CUL5: variants seen among roughly 807,000 people sequenced by gnomAD.
The protein encoded by CUL5 is cullin 5, also known as cullin-5.
In CUL5, 26 loss-of-function variants were observed where a neutral mutation model predicts 108.8. The observed-to-expected ratio is 0.24, with a 90% CI of 0.18 to 0.33. The LOEUF (loss-of-function observed/expected upper bound fraction) is 0.33. Among genes scored for constraint, CUL5 ranks in the 10% least tolerant of loss-of-function variants. The pLI is 1.00. For synonymous variants in CUL5, 334 were observed against 298.0 expected (o/e 1.12, Z -1.25); for missense variants, 524 against 909.2 (o/e 0.58, Z 5.45).
Position 108,050,082 on chromosome 11 carries a change from T to C in CUL5, c.411+16T>C, listed in dbSNP as rs778909935. ...TGTTCGAAAGGTAAGACTATTTTTC[T>C]CCTTGTTTTCCTAATATTCTTCAGA... On this transcript the variant is annotated intron_variant, in intron 4 of 18. Transcript: ENST00000393094. 1.3e-6 allele frequency: 2 copies of C among 1,558,114 alleles called. No individual in the cohort carries two copies. Among genetic ancestry groups the C allele is most frequent in the Admixed American group, 4.0e-5 (2 of 50,330 alleles).
chr11:108,049,957 T>A lies in CUL5; in HGVS notation c.302T>A (p.Phe101Tyr). The change falls in exon 4 of 19, where the codon TTT (phenylalanine) becomes TAT (tyrosine). Residue 101 changes from phenylalanine to tyrosine, a missense_variant. Transcript: ENST00000393094. ...TATATTGTTGAATGGCGAAAGTTCT[T>A]TACACAATGTGATATTTTACCAAAA... ...KAYIVEWRKFFTQCDILPKPF... is the reference protein window; with the variant it reads ...KAYIVEWRKFYTQCDILPKPF... 1 of 1,613,856 alleles carries A rather than the reference T, an allele frequency of 6.2e-7. No homozygotes were observed. The highest frequency in any genetic ancestry group is 8.5e-7 in the Non-Finnish European group (1 of 1,179,818).
intron 1 of CUL5, among the ~76,000 whole-genome samples, chr11:108,023,695 T>C (rs1862384039): frequency 6.6e-6 from 1 of 152,208 alleles, no homozygotes; most frequent in African/African-American, 2.4e-5. Context: ...AATGAATAAA[T>C]GTAATAAATG....
At chr11:108,059,129 C>T (rs1375106268) in intron 7 of CUL5, among the ~76,000 whole-genome samples, 1 of 152,222 alleles carries the variant, frequency 6.6e-6, no homozygotes, top group Non-Finnish European at 1.5e-5. Flanking sequence ...CTTCCCACCT[C>T]AGCCTCCTGA....
chr11:108,097,570 G>A, intron 16 of CUL5, 66 bp from the exon 17 acceptor site: 2 of 857,036 alleles, frequency 2.3e-6, no homozygotes, highest in Non-Finnish European at 1.9e-6. Context: ...TGATTATGTG[G>A]GAGAATTGAT....
intron 10 of CUL5, among the ~76,000 whole-genome samples, chr11:108,074,986 A>AG (rs1317205500): frequency 6.6e-6 from 1 of 152,128 alleles, no homozygotes; most frequent in East Asian, 1.9e-4. Flanking sequence ...TACTGTGAGT[A>AG]GGATGGGAAG....
intron 12 of CUL5, among the ~76,000 whole-genome samples, chr11:108,089,236 T>TA (rs572515336): frequency 1.3e-3 from 197 of 152,068 alleles, no homozygotes; most frequent in African/African-American, 4.6e-3. Flanking sequence ...GTAAAGTATA[T>TA]CGTTGCATTT....
intron 7 of CUL5, among the ~76,000 whole-genome samples, chr11:108,065,851 C>T (rs1863663880): frequency 6.6e-6 from 1 of 152,028 alleles, no homozygotes. Context: ...GAGGAATGAT[C>T]GGTGGAAGCT....
intron 1 of CUL5, among the ~76,000 whole-genome samples, chr11:108,028,793 C>T (rs1277656363): frequency 6.6e-6 from 1 of 152,054 alleles, no homozygotes; most frequent in African/African-American, 2.4e-5. Context: ...CATTGTACTC[C>T]AGCCTGGGCA....
intron 7 of CUL5, among the ~76,000 whole-genome samples, chr11:108,060,915 A>G (rs1240121628): frequency 2.6e-5 from 4 of 152,110 alleles, no homozygotes; most frequent in Admixed American, 6.6e-5. Flanking sequence ...CATTCATTCA[A>G]CAGGTACTTA....
chr11:108,072,559 GT>G (rs1452307124), intron 9 of CUL5, 97 bp downstream of exon 9: 34 of 1,040,784 alleles, frequency 3.3e-5, no homozygotes, highest in Non-Finnish European at 4.0e-5. Flanking sequence ...GAGGCTGGGG[GT>G]TGGGGGAGCA....
chr11:108,075,960 G>C (rs1863931655), intron 10 of CUL5, among the ~76,000 whole-genome samples: 1 of 152,002 alleles, frequency 6.6e-6, no homozygotes, highest in Non-Finnish European at 1.5e-5. Context: ...TTTTGTTTTT[G>C]TGGCAAGAGC....
intron 7 of CUL5, among the ~76,000 whole-genome samples, chr11:108,063,661 A>ATAAAT (rs1555018731): frequency 0.12 from 17,697 of 149,646 alleles, 1,206 homozygotes; most frequent in Non-Finnish European, 0.15. Flanking sequence ...AAATTTAAAA[A>ATAAAT]AAATAAATAA....
At chr11:108,073,545 C>T (rs1863876589) in intron 10 of CUL5, 48 bp downstream of exon 10, 2 of 810,028 alleles carry the variant, frequency 2.5e-6, no homozygotes, top group Non-Finnish European at 3.8e-6. Context: ...GTTTTATTCT[C>T]ATAATTTACT....
In CUL5 at chr11:108,042,712, T is replaced by G. The variant is rs115055232; in HGVS notation, c.135-3558T>G. On this transcript the variant is annotated intron_variant, in intron 2 of 18. Coordinates refer to ENST00000393094, the MANE Select transcript of CUL5 (RefSeq NM_003478.6). ...TTGAGTTCCTAAACCATCTTTTGTT[T>G]ATATGCATAAAATAGTTGTAAACAT... is the stretch of plus-strand genomic sequence containing the variant. Among the ~76,000 whole-genome samples the G allele has an allele frequency of 3.1e-3, 474 of 152,256 alleles. 3 individuals are homozygous for G. The highest frequency in any genetic ancestry group is 0.011 in the African/African-American group (461 of 41,558).
intron 11 of CUL5, among the ~76,000 whole-genome samples, chr11:108,087,514 G>A (rs2135221527): frequency 6.6e-6 from 1 of 152,186 alleles, no homozygotes; most frequent in East Asian, 1.9e-4. Flanking sequence ...TATACTGCTG[G>A]GTGCAGTGGC....
At chr11:108,042,802 G>T (rs557036021) in intron 2 of CUL5, among the ~76,000 whole-genome samples, 20 of 151,612 alleles carry the variant, frequency 1.3e-4, no homozygotes, top group African/African-American at 3.9e-4. Context: ...TTGCCCTGTT[G>T]CCCAGGCTGG....
Position 108,009,251 on chromosome 11 carries a change from G to C in CUL5, c.-98G>C, listed in dbSNP as rs1461145576. On this transcript the variant is annotated 5_prime_UTR_variant, in exon 1 of 19. Transcript: ENST00000393094. ...CACCACACCCTGGTGCGGGCCGACG[G>C]GCCCTGGGCCCTGGTGGGAGCTCCG... is the stretch of plus-strand genomic sequence containing the variant. The C allele has an allele frequency of 7.3e-7, 1 of 1,366,790 alleles. No individual in the cohort carries two copies. Among genetic ancestry groups the C allele is most frequent in the Non-Finnish European group, 1.0e-6 (1 of 968,310 alleles). 84.7% of individuals were successfully genotyped at this position (1,366,790 alleles called of 1,614,324 possible). A position where few individuals can be genotyped will look rare whatever the true frequency, so the allele number is the denominator to read the frequency against.
intron 5 of CUL5, among the ~76,000 whole-genome samples, chr11:108,053,463 G>A (rs1164011826): frequency 1.3e-5 from 2 of 152,016 alleles, no homozygotes; most frequent in Non-Finnish European, 2.9e-5. Flanking sequence ...TATTCTTTTA[G>A]TTATCAAGCC....
intron 4 of CUL5, among the ~76,000 whole-genome samples, chr11:108,052,379 G>C (rs780745804): frequency 6.6e-6 from 1 of 151,994 alleles, no homozygotes; most frequent in Non-Finnish European, 1.5e-5. Flanking sequence ...CAGTGGCGTG[G>C]TCTCGGCTCA....
Sources: gnomAD v4.1 joint callset for allele counts (sites outside exome capture counted in the v4.1 genomes callset) on GRCh38, gnomAD v4.1.1 for gene constraint, MANE v1.5 for transcripts, NCBI Gene and HGNC (gene_info 2026-07-23, HGNC 2026-07-21) for gene names.